The following CA5A variants were observed in gnomAD, a reference collection of about 807,000 sequenced individuals.
The protein encoded by CA5A is carbonic anhydrase 5A.
In CA5A, 28 loss-of-function variants were observed where a neutral mutation model predicts 37.1. That is an observed-to-expected ratio of 0.75 (90% CI 0.56 to 1.03). The LOEUF (loss-of-function observed/expected upper bound fraction) is 1.03, where lower values mean the gene tolerates loss of function less well. CA5A is among the 50% of genes least tolerant of loss of function. The pLI is 0.00. For synonymous variants in CA5A, 171 were observed against 158.4 expected, an observed-to-expected ratio of 1.08 and a Z score of -0.60; for missense variants, 444 against 399.9, an observed-to-expected ratio of 1.11 and a Z score of -0.94.
chr16:87,926,118 G>C (rs1314432695), intron 2 of CA5A, among the ~76,000 whole-genome samples: 5 of 152,158 alleles, frequency 3.3e-5, no homozygotes, highest in Non-Finnish European at 1.5e-5. Flanking sequence ...AGTTACTCAG[G>C]CTGAGGCAGG....
intron 5 of CA5A, among the ~76,000 whole-genome samples, chr16:87,900,414 G>C (rs2055862345): frequency 6.6e-6 from 1 of 152,232 alleles, no homozygotes; most frequent in African/African-American, 2.4e-5. Flanking sequence ...GCCACGTACA[G>C]ATCAAACGTC....
intron 2 of CA5A, among the ~76,000 whole-genome samples, chr16:87,919,874 G>A (rs763348207): frequency 2.6e-5 from 4 of 152,034 alleles, no homozygotes; most frequent in African/African-American, 7.2e-5. Flanking sequence ...CTCCACTATC[G>A]GTGACTGCAC....
At chr16:87,922,704 C>T (rs918658924) in intron 2 of CA5A, among the ~76,000 whole-genome samples, 22 of 152,364 alleles carry the variant, frequency 1.4e-4, no homozygotes, top group Middle Eastern at 6.8e-3. Context: ...TCCTGGGGAC[C>T]GACTGTGACC....
intron 5 of CA5A, chr16:87,893,433 G>A: frequency 1.9e-6 from 1 of 522,790 alleles, no homozygotes; most frequent in South Asian, 1.4e-5. Context: ...GGCTTGCCTG[G>A]AGACATTTCT....
At chr16:87,923,855 T>G in intron 2 of CA5A, 1 of 984,648 alleles carries the variant, frequency 1.0e-6, no homozygotes, top group African/African-American at 1.7e-5. Context: ...ACAACTATTG[T>G]TCTCAAAATT....
chr16:87,910,340 G>A (rs1348591030), intron 2 of CA5A, among the ~76,000 whole-genome samples: 1 of 152,298 alleles, frequency 6.6e-6, no homozygotes, highest in East Asian at 1.9e-4. Context: ...GTTCCTCCCA[G>A]GATGAACTCC....
At chr16:87,924,203 T>G (rs368182884) in intron 2 of CA5A, 6 of 985,310 alleles carry the variant, frequency 6.1e-6, no homozygotes, top group East Asian at 1.1e-4. Flanking sequence ...TTTGCTTACG[T>G]TGGCTGGAGT....
chr16:87,927,045 C>T (rs2056323615), intron 1 of CA5A, 100 bp from the exon 2 acceptor site: 1 of 843,488 alleles, frequency 1.2e-6, no homozygotes, highest in African/African-American at 1.7e-5. Flanking sequence ...CCCTCACGTC[C>T]TGGCTCATGG....
At chr16:87,929,880 A>AAAAT (rs2056376764) in intron 1 of CA5A, among the ~76,000 whole-genome samples, 2 of 151,350 alleles carry the variant, frequency 1.3e-5, no homozygotes, top group East Asian at 1.9e-4. Context: ...TCAAAAAAAA[A>AAAAT]AAAAAAAAAA....
intron 2 of CA5A, chr16:87,925,766 G>C (rs904181332): frequency 1.2e-4 from 19 of 152,354 alleles, no homozygotes; most frequent in African/African-American, 4.3e-4. Flanking sequence ...AACCCAGTAA[G>C]GGCTTGGTGG....
intron 1 of CA5A, among the ~76,000 whole-genome samples, chr16:87,928,749 T>A (rs1263142995): frequency 7.1e-6 from 1 of 140,016 alleles, no homozygotes; most frequent in Non-Finnish European, 1.6e-5. Context: ...CTGGATTATT[T>A]TCTTTTCTTT....
chr16:87,934,001 C>G (rs565634200), intron 1 of CA5A, among the ~76,000 whole-genome samples: 1 of 152,186 alleles, frequency 6.6e-6, no homozygotes, highest in African/African-American at 2.4e-5. Flanking sequence ...CTCTAGCACA[C>G]GATGTAAGAG....
At chr16:87,928,760 G>T (rs144783856) in intron 1 of CA5A, among the ~76,000 whole-genome samples, 2,914 of 57,664 alleles carry the variant, frequency 0.051, 121 homozygotes, top group African/African-American at 0.095. Flanking sequence ...TCTTTTCTTT[G>T]TTTTTTTTTT....
intron 3 of CA5A, among the ~76,000 whole-genome samples, chr16:87,903,557 G>A (rs911352060): frequency 2.6e-5 from 4 of 151,660 alleles, no homozygotes; most frequent in Middle Eastern, 3.2e-3. Context: ...CCATTGTTGT[G>A]CTCATTCTTG....
chr16:87,901,639 A>G (rs1366448255), intron 5 of CA5A, among the ~76,000 whole-genome samples: 1 of 149,046 alleles, frequency 6.7e-6, no homozygotes. Context: ...CCCAGGCTGG[A>G]GTGCAATGAC....
chr16:87,884,507 TG>T (rs1489199899), downstream of CA5A: 1 of 146,352 alleles, frequency 6.8e-6, no homozygotes, highest in African/African-American at 2.6e-5. Context: ...GCAGAGGTTG[TG>T]GTGAACCAAG....
At chr16:87,915,102 C>A (rs1430719890) in intron 2 of CA5A, among the ~76,000 whole-genome samples, 11 of 152,226 alleles carry the variant, frequency 7.2e-5, no homozygotes, top group Non-Finnish European at 1.3e-4. Flanking sequence ...CCGAATGAGG[C>A]TCGATGAAAC....
At chr16:87,907,177 C>T (rs1323851528) in intron 2 of CA5A, among the ~76,000 whole-genome samples, 2 of 152,134 alleles carry the variant, frequency 1.3e-5, no homozygotes, top group East Asian at 3.9e-4. Flanking sequence ...GAGATTGCGC[C>T]AATGCACTTC....
At chr16:87,907,422 G>A (rs556802001) in intron 2 of CA5A, among the ~76,000 whole-genome samples, 2 of 152,176 alleles carry the variant, frequency 1.3e-5, no homozygotes, top group Non-Finnish European at 2.9e-5. Context: ...AGCCTCCCAG[G>A]GGGTCTGCCT....
Sources: gnomAD v4.1 joint callset for allele counts (sites outside exome capture counted in the v4.1 genomes callset) on GRCh38, gnomAD v4.1.1 for gene constraint, MANE v1.5 for transcripts, NCBI Gene and HGNC (gene_info 2026-07-23, HGNC 2026-07-21) for gene names.